ADGRV1: variants seen among roughly 807,000 people sequenced by gnomAD.
ADGRV1 encodes the protein adhesion G protein-coupled receptor V1, also known as G-protein coupled receptor 98.
In ADGRV1, 359 loss-of-function variants were observed where a neutral mutation model predicts 596.2. The observed-to-expected ratio is 0.60, with a 90% CI of 0.55 to 0.66. The LOEUF is 0.66. Ranked by LOEUF, ADGRV1 falls within the 30% of genes least tolerant of loss-of-function variation. The probability of loss-of-function intolerance (pLI) is 0.00; values close to 1 mark genes in which losing one functional copy is unlikely to be tolerated. For synonymous variants in ADGRV1, 2,681 were observed against 2,679.2 expected (o/e 1.00, Z -0.02); for missense variants, 7,274 against 7,575.6 (o/e 0.96, Z 1.48).
intron 83 of ADGRV1, among the ~76,000 whole-genome samples, chr5:90,893,980 C>T (rs1771067168): frequency 6.6e-6 from 1 of 152,154 alleles, no homozygotes; most frequent in Non-Finnish European, 1.5e-5. Flanking sequence ...CATTAAATCT[C>T]ACATTAGCAT....
At chr5:91,072,655 G>A (rs1022160375) in intron 86 of ADGRV1, 51 bp downstream of exon 86, 1 of 1,554,622 alleles carries the variant, frequency 6.4e-7, no homozygotes, top group Middle Eastern at 1.7e-4. Flanking sequence ...CTTTAATGGT[G>A]GGAAAATGTC....
intron 21 of ADGRV1, among the ~76,000 whole-genome samples, chr5:90,660,878 A>G (rs895333035): frequency 6.6e-6 from 1 of 152,196 alleles, no homozygotes; most frequent in African/African-American, 2.4e-5. Context: ...ATAGCCTGCT[A>G]TTTGGCACAT....
chr5:91,155,439 G>T (rs73771200), intron 89 of ADGRV1, among the ~76,000 whole-genome samples: 1 of 152,156 alleles, frequency 6.6e-6, no homozygotes, highest in Non-Finnish European at 1.5e-5. Context: ...TAGCTTGCCG[G>T]CACCATCAAT....
chr5:91,040,998 CCTAA>C (rs1387346382), intron 85 of ADGRV1, among the ~76,000 whole-genome samples: 2 of 152,156 alleles, frequency 1.3e-5, no homozygotes, highest in Admixed American at 6.5e-5. Flanking sequence ...GTGATTGAAA[CCTAA>C]CTATGTTAAG....
At chr5:90,852,315 G>A (rs1354882317) in intron 79 of ADGRV1, among the ~76,000 whole-genome samples, 2 of 152,080 alleles carry the variant, frequency 1.3e-5, no homozygotes, top group African/African-American at 4.8e-5. Context: ...CCTACGTCTG[G>A]GGTCTTGACA....
chr5:90,779,961 T>C (rs375677506), intron 64 of ADGRV1: 18 of 152,202 alleles, frequency 1.2e-4, no homozygotes, highest in African/African-American at 4.3e-4. Context: ...GAAAAAAATA[T>C]TGTGGGCTCA....
chr5:91,104,757 A>T (rs1021949216), intron 87 of ADGRV1, among the ~76,000 whole-genome samples: 4 of 152,120 alleles, frequency 2.6e-5, no homozygotes, highest in African/African-American at 9.7e-5. Context: ...GCCATAAATA[A>T]TATTGGGTTG....
At chr5:91,034,314 C>T (rs1036893136) in intron 85 of ADGRV1, among the ~76,000 whole-genome samples, 1 of 152,048 alleles carries the variant, frequency 6.6e-6, no homozygotes, top group Non-Finnish European at 1.5e-5. Context: ...TTAAAGTCTA[C>T]ATAACACAGA....
intron 85 of ADGRV1, among the ~76,000 whole-genome samples, chr5:91,011,082 T>C (rs957979026): frequency 6.6e-6 from 1 of 151,874 alleles, no homozygotes; most frequent in Non-Finnish European, 1.5e-5. Context: ...GGAAATGGGA[T>C]GGGGAAGGGG....
chr5:90,651,807 C>T, intron 18 of ADGRV1, 77 bp downstream of exon 18: 1 of 947,032 alleles, frequency 1.1e-6, no homozygotes, highest in Non-Finnish European at 1.5e-6. Flanking sequence ...TGAAATATTC[C>T]TTCAAAATTT....
At position 91,102,335 on chromosome 5, in the gene ADGRV1, C is replaced by A. The variant is rs757613641; in HGVS notation, c.18427C>A (p.Leu6143Met). 8 of 1,591,906 alleles carry A rather than the reference C, an allele frequency of 5.0e-6. No individual in the cohort carries two copies. Among genetic ancestry groups the A allele is most frequent in the Non-Finnish European group, 6.8e-6 (8 of 1,169,850 alleles). The change falls in exon 87 of 90, where the codon CTG (leucine) becomes ATG (methionine). Residue 6143 changes from leucine (L) to methionine (M), a missense_variant. Leu to Met is a conservative substitution (Grantham distance 15, BLOSUM62 2). Around this residue, in one of 5 missense-constraint regions of ADGRV1, gnomAD observed 1,874 missense variants for 1,970.2 expected, o/e 0.95. Coordinates refer to ENST00000405460, the MANE Select transcript of ADGRV1 (RefSeq NM_032119.4). ...GGTTCTCTTTGTCATTTTCAACAGTCTGCAGGTAAGCCTTACAATTTGGTT... is the reference window on the plus strand; with the variant it reads ...GGTTCTCTTTGTCATTTTCAACAGTATGCAGGTAAGCCTTACAATTTGGTT... Reference protein sequence around the residue: ...MLVLFVIFNSLQGLYVFMVYF... With the variant: ...MLVLFVIFNSMQGLYVFMVYF...
At chr5:90,734,889 C>T (rs1753020790) in intron 50 of ADGRV1, among the ~76,000 whole-genome samples, 3 of 152,104 alleles carry the variant, frequency 2.0e-5, no homozygotes, top group South Asian at 4.1e-4. Context: ...TGTTTCCTTG[C>T]TATTGAGTTA....
At chr5:90,778,293 G>A (rs1758469197) in intron 62 of ADGRV1, 134 bp from the exon 63 acceptor site, 1 of 802,972 alleles carries the variant, frequency 1.2e-6, no homozygotes. Flanking sequence ...TTGTGGAGGT[G>A]CCTGTGTATG....
At chr5:91,087,791 G>A (rs998392216) in intron 86 of ADGRV1, among the ~76,000 whole-genome samples, 4 of 152,154 alleles carry the variant, frequency 2.6e-5, no homozygotes, top group Non-Finnish European at 5.9e-5. Context: ...ATTTACAGAT[G>A]AGGAAATTGA....
intron 83 of ADGRV1, among the ~76,000 whole-genome samples, chr5:90,919,855 A>G (rs1193442406): frequency 6.6e-6 from 1 of 151,998 alleles, no homozygotes; most frequent in East Asian, 1.9e-4. Flanking sequence ...TTAGCTGGGC[A>G]TGGTGGCACA....
intron 83 of ADGRV1, among the ~76,000 whole-genome samples, chr5:90,947,236 A>G (rs1279497971): frequency 6.6e-6 from 1 of 152,176 alleles, no homozygotes; most frequent in Non-Finnish European, 1.5e-5. Flanking sequence ...TCTAACAATC[A>G]GTGATATCGA....
At chr5:91,156,455 G>A (rs1796488423) in intron 89 of ADGRV1, among the ~76,000 whole-genome samples, 4 of 152,170 alleles carry the variant, frequency 2.6e-5, no homozygotes, top group Admixed American at 2.0e-4. Flanking sequence ...CTGAAAAGAG[G>A]CTATCAGACT....
intron 85 of ADGRV1, among the ~76,000 whole-genome samples, chr5:91,048,576 C>T (rs944985252): frequency 3.3e-5 from 5 of 152,186 alleles, no homozygotes; most frequent in Non-Finnish European, 7.3e-5. Flanking sequence ...CTTGTTCTCT[C>T]TTTTTCCTAT....
chr5:90,594,339 C>T (rs78151065), intron 1 of ADGRV1, among the ~76,000 whole-genome samples: 1,900 of 152,136 alleles, frequency 0.012, 34 homozygotes, highest in African/African-American at 0.032. Context: ...GGGGTTCTTC[C>T]CCCTTCGCTC....
Sources: allele counts gnomAD v4.1 joint callset (sites outside exome capture counted in the v4.1 genomes callset), GRCh38; gene constraint gnomAD v4.1.1; regional missense constraint gnomAD v4.1.1; transcripts MANE v1.5; gene names NCBI Gene and HGNC (gene_info 2026-07-23, HGNC 2026-07-21).